The following NSMCE3 variants were observed in gnomAD, a reference collection of about 807,000 sequenced individuals.
NSMCE3 encodes NSE3 component of SMC5/6 complex, also known as non-structural maintenance of chromosomes element 3 homolog.
For missense variants in NSMCE3, 452 were observed against 399.5 expected (o/e 1.13, Z -1.12); for synonymous variants, 214 against 172.2 (o/e 1.24, Z -1.90).
Position 29,269,497 on chromosome 15 carries a change from C to G in NSMCE3, c.209G>C (p.Arg70Pro). 1 of 1,606,898 alleles carries G rather than the reference C, an allele frequency of 6.2e-7. No homozygotes were observed. The highest frequency in any genetic ancestry group is 8.5e-7 in the Non-Finnish European group (1 of 1,177,474). Residue 70 changes from arginine (R) to proline (P), a missense_variant, in exon 1 of 1, where the codon CGG becomes CCG. By Grantham distance (103) the Arg-to-Pro change is moderately radical. Coordinates refer to ENST00000332303, the MANE Select transcript of NSMCE3 (RefSeq NM_138704.4). The stretch of plus-strand genomic sequence containing the variant: ...CCCCACGGCGGGGGCGGCCTGGGCC[C>G]GGCGGGCGCCCTGAGGCGAGGGGCC... ...SQGPSPQGAR[R>P]AQAAPAVGPR...
Position 29,266,919 on chromosome 15 carries a change from T to C in NSMCE3, c.*1872A>G, listed in dbSNP as rs2043491912. 6.6e-6 allele frequency: 1 copy of C among 152,122 alleles called. No homozygotes were observed. Among genetic ancestry groups the C allele is most frequent in the African/African-American group, 2.4e-5 (1 of 41,418 alleles). The allele number at this position is 152,122 out of a possible 1,614,324, so 9.4% of individuals were successfully genotyped here. On this transcript the variant is annotated 3_prime_UTR_variant, in exon 1 of 1. Transcript: ENST00000332303. ...GGAATTTTGCCTCAGATATAACTGG[T>C]GGTGACTGCTGGGTAATAATTTTTA...
Position 29,267,698 on chromosome 15 carries a change from T to A in NSMCE3, c.*1093A>T, listed in dbSNP as rs1478963142. The A allele has an allele frequency of 1.3e-5, 2 of 152,072 alleles. No individual in the cohort carries two copies. Among genetic ancestry groups the A allele is most frequent in the Non-Finnish European group, 2.9e-5 (2 of 68,008 alleles). 9.4% of individuals were successfully genotyped at this position (152,072 alleles called of 1,614,324 possible). On this transcript the variant is annotated 3_prime_UTR_variant, in exon 1 of 1. Coordinates refer to ENST00000332303, the MANE Select transcript of NSMCE3 (RefSeq NM_138704.4). ...TCTTTTGAACCAGGAATTGCTCTCC[T>A]AGGAATGATTTGGAAAAAAAGATAA... is the stretch of plus-strand genomic sequence containing the variant.
Position 29,265,396 on chromosome 15 carries a change from T to C in NSMCE3, c.*3395A>G, listed in dbSNP as rs1261560327. On this transcript the variant is annotated 3_prime_UTR_variant, in exon 1 of 1. Transcript: ENST00000332303. Reference sequence around the variant, plus strand: ...GCTCATGCCTGTAATCCTAGCACTTTAGGAGGCCGAGGCGGGCAGATTACC... The same window carrying C: ...GCTCATGCCTGTAATCCTAGCACTTCAGGAGGCCGAGGCGGGCAGATTACC... 6.6e-6 allele frequency: 1 copy of C among 152,238 alleles called. No homozygotes were observed. Among genetic ancestry groups the C allele is most frequent in the African/African-American group, 2.4e-5 (1 of 41,462 alleles). The allele number at this position is 152,238 out of a possible 1,614,324, so 9.4% of individuals were successfully genotyped here. A position where few individuals can be genotyped will look rare whatever the true frequency, so the allele number is the denominator to read the frequency against.
chr15:29,269,695 T>G lies in NSMCE3; in HGVS notation c.11A>C (p.Lys4Thr). MLQ[K>T]PRNRGRSGGQ... ...GCCAGAGCGGCCCCGGTTCCTCGGT[T>G]TTTGCAACATGTCTCCGGCGGCAGG... The change falls in exon 1 of 1, where the codon AAA becomes ACA. Residue 4 changes from lysine to threonine, a missense_variant. Lys to Thr is a moderately conservative substitution (Grantham distance 78). Coordinates refer to ENST00000332303, the MANE Select transcript of NSMCE3 (RefSeq NM_138704.4). 1 of 1,545,138 alleles carries G rather than the reference T, an allele frequency of 6.5e-7. No individual in the cohort carries two copies. The highest frequency in any genetic ancestry group is 8.7e-7 in the Non-Finnish European group (1 of 1,153,694).
rs190748425 is a variant in NSMCE3, at chr15:29,265,673, C to T, written c.*3118G>A. 6.6e-6 allele frequency: 1 copy of T among 152,276 alleles called. No homozygotes were observed. Among genetic ancestry groups the T allele is most frequent in the Non-Finnish European group, 1.5e-5 (1 of 68,034 alleles). The allele number at this position is 152,276 out of a possible 1,614,324, so 9.4% of individuals were successfully genotyped here. A position where few individuals can be genotyped will look rare whatever the true frequency, so the allele number is the denominator to read the frequency against. Reference sequence around the variant, plus strand: ...AAAAAGAATTACAGTATGGTATTTGCAAATGGATAGCAAATAAACCAATTC... The same window carrying T: ...AAAAAGAATTACAGTATGGTATTTGTAAATGGATAGCAAATAAACCAATTC... On this transcript the variant is annotated 3_prime_UTR_variant, in exon 1 of 1. Coordinates refer to ENST00000332303, the MANE Select transcript of NSMCE3 (RefSeq NM_138704.4).
rs1271410903 is a variant in NSMCE3 at position 29,266,015 on chromosome 15, A to G, written c.*2776T>C. ...AATGATCGTAACACATTTAGGTCAA[A>G]TGATCTGTATGACCAAAAGAAGTGA... On this transcript the variant is annotated 3_prime_UTR_variant, in exon 1 of 1. Transcript: ENST00000332303. The G allele has an allele frequency of 4.6e-5, 7 of 152,238 alleles. No individual in the cohort carries two copies. Among genetic ancestry groups the G allele is most frequent in the Admixed American group, 4.6e-4 (7 of 15,284 alleles). 9.4% of individuals were successfully genotyped at this position (152,238 alleles called of 1,614,324 possible).
In NSMCE3 at chr15:29,269,801, G is replaced by T. The variant is rs2043577720; in HGVS notation, c.-96C>A. ...CCCGCTAACGCCGGTGCCTGGAGGC[G>T]CGCGCAGTGTCGGCTGAGACTGCGT... On this transcript the variant is annotated 5_prime_UTR_variant, in exon 1 of 1. Transcript: ENST00000332303. 8.3e-7 allele frequency: 1 copy of T among 1,199,130 alleles called. No individual in the cohort carries two copies. The highest frequency in any genetic ancestry group is 1.1e-6 in the Non-Finnish European group (1 of 908,534). 74.3% of individuals were successfully genotyped at this position (1,199,130 alleles called of 1,614,324 possible).
In NSMCE3 at chr15:29,268,780, G is replaced by T. The variant is rs749804201; in HGVS notation, c.*11C>A. On this transcript the variant is annotated 3_prime_UTR_variant, in exon 1 of 1. Coordinates refer to ENST00000332303, the MANE Select transcript of NSMCE3 (RefSeq NM_138704.4). ...AGACCCTTGTCCCGGGGGTCCCTCT[G>T]AATCCACCTTTCAAGAGGATGGAGC... 5 of 1,591,926 alleles carry T rather than the reference G, an allele frequency of 3.1e-6. No homozygotes were observed. The highest frequency in any genetic ancestry group is 4.3e-6 in the Non-Finnish European group (5 of 1,168,098).
Position 29,267,471 on chromosome 15 carries a change from A to ACCCC in NSMCE3, c.*1316_*1319dup, listed in dbSNP as rs1164174161. The stretch of plus-strand genomic sequence containing the variant: ...TTGAGATTCAGAGAGCTTAAAACCT[A>ACCCC]CCCCCACAACCACCATGCTGACAAG... On this transcript the variant is annotated 3_prime_UTR_variant, in exon 1 of 1. Coordinates refer to ENST00000332303, the MANE Select transcript of NSMCE3 (RefSeq NM_138704.4). The ACCCC allele has an allele frequency of 6.6e-6, 1 of 151,918 alleles. No individual in the cohort carries two copies. The highest frequency in any genetic ancestry group is 1.5e-5 in the Non-Finnish European group (1 of 67,994). The allele number at this position is 151,918 out of a possible 1,614,324, so 9.4% of individuals were successfully genotyped here.
At position 29,268,516 on chromosome 15, in the gene NSMCE3, A is replaced by G; in HGVS notation, c.*275T>C. ...TCTTGCATTATCTGTTCCAGATCATAGTCAAGTTTTCCAATTCGTTTTACT... is the reference window on the plus strand; with the variant it reads ...TCTTGCATTATCTGTTCCAGATCATGGTCAAGTTTTCCAATTCGTTTTACT... On this transcript the variant is annotated 3_prime_UTR_variant, in exon 1 of 1. Coordinates refer to ENST00000332303, the MANE Select transcript of NSMCE3 (RefSeq NM_138704.4). 4.9e-6 allele frequency: 2 copies of G among 410,322 alleles called. No homozygotes were observed. Among genetic ancestry groups the G allele is most frequent in the Non-Finnish European group, 8.6e-6 (2 of 232,640 alleles). 25.4% of individuals were successfully genotyped at this position (410,322 alleles called of 1,614,324 possible).
Position 29,269,558 on chromosome 15 carries a change from T to G in NSMCE3, c.148A>C (p.Thr50Pro). Residue 50 changes from threonine (T) to proline (P), a missense_variant, in exon 1 of 1, where the codon ACG becomes CCG. By Grantham distance (38) the Thr-to-Pro change is conservative. Coordinates refer to ENST00000332303, the MANE Select transcript of NSMCE3 (RefSeq NM_138704.4). The part of the protein sequence containing the change: ...RDGFAEEAPS[T>P]SRGPGGSQGS... ...TGCGAGCCGCCCGGCCCGCGGGACGTGCTCGGGGCCTCCTCGGCAAAGCCG... is the reference window on the plus strand; with the variant it reads ...TGCGAGCCGCCCGGCCCGCGGGACGGGCTCGGGGCCTCCTCGGCAAAGCCG... 2.6e-6 allele frequency: 4 copies of G among 1,519,936 alleles called. No homozygotes were observed. The highest frequency in any genetic ancestry group is 3.5e-6 in the Non-Finnish European group (4 of 1,137,798). The allele number at this position is 1,519,936 out of a possible 1,614,324, so 94.2% of individuals were successfully genotyped here. A position where few individuals can be genotyped will look rare whatever the true frequency, so the allele number is the denominator to read the frequency against.
rs762514437 is a variant in NSMCE3 at position 29,269,444 on chromosome 15, T to C, written c.262A>G (p.Lys88Glu). 1.2e-6 allele frequency: 2 copies of C among 1,613,968 alleles called. No homozygotes were observed. The highest frequency in any genetic ancestry group is 1.3e-5 in the African/African-American group (1 of 75,042). The change falls in exon 1 of 1, where the codon AAA (lysine) becomes GAA (glutamate). Residue 88 changes from lysine (K) to glutamate (E), a missense_variant. By Grantham distance (56) the Lys-to-Glu change is moderately conservative (BLOSUM62 1). Transcript: ENST00000332303. ...GPRSQKQLEL[K>E]VSELVQFLLI... is the part of the protein sequence containing the mutation. The stretch of plus-strand genomic sequence containing the variant: ...AAGAACTGCACCAGCTCGGACACTT[T>C]CAGCTCCAGCTGCTTCTGGCTCCTG...
chr15:29,269,467 C>G lies in NSMCE3; in HGVS notation c.239G>C (p.Arg80Thr), dbSNP rs1408822775. 2 of 1,612,888 alleles carry G rather than the reference C, an allele frequency of 1.2e-6. No homozygotes were observed. Among genetic ancestry groups the G allele is most frequent in the Non-Finnish European group, 1.7e-6 (2 of 1,179,688 alleles). ...RAQAAPAVGP[R>T]SQKQLELKVS... ...TTTCAGCTCCAGCTGCTTCTGGCTC[C>G]TGGGCCCCACGGCGGGGGCGGCCTG... Residue 80 changes from arginine (R) to threonine (T), a missense_variant, in exon 1 of 1, where the codon AGG becomes ACG. Transcript: ENST00000332303.
rs1455689224 is a variant in NSMCE3, at chr15:29,269,151, G to A, written c.555C>T (p.Leu185=). 8.7e-6 allele frequency: 14 copies of A among 1,614,028 alleles called. No individual in the cohort carries two copies. Among genetic ancestry groups the A allele is most frequent in the Non-Finnish European group, 1.2e-5 (14 of 1,180,038 alleles). ...TTGLLMIVLG[L]IFMKGNTIKE... ...TGATGGTGTTGCCCTTCATAAAGAT[G>A]AGCCCTAAGACGATCATCAGGAGGC... The change falls in exon 1 of 1, where the codon CTC becomes CTT. Residue 185 remains leucine (L), a synonymous_variant. Coordinates refer to ENST00000332303, the MANE Select transcript of NSMCE3 (RefSeq NM_138704.4).
At position 29,268,770 on chromosome 15, in the gene NSMCE3, G is replaced by C. The variant is rs1463909701; in HGVS notation, c.*21C>G. ...TTTGGGTCTCAGACCCTTGTCCCGG[G>C]GGTCCCTCTGAATCCACCTTTCAAG... On this transcript the variant is annotated 3_prime_UTR_variant, in exon 1 of 1. Transcript: ENST00000332303. The C allele has an allele frequency of 2.5e-6, 4 of 1,577,860 alleles. No individual in the cohort carries two copies. Among genetic ancestry groups the C allele is most frequent in the Non-Finnish European group, 2.6e-6 (3 of 1,162,454 alleles).
In NSMCE3 at chr15:29,266,775, C is replaced by T. The variant is rs546291940; in HGVS notation, c.*2016G>A. 2.0e-5 allele frequency: 3 copies of T among 152,246 alleles called. No individual in the cohort carries two copies. The highest frequency in any genetic ancestry group is 7.2e-5 in the African/African-American group (3 of 41,520). 9.4% of individuals were successfully genotyped at this position (152,246 alleles called of 1,614,324 possible). On this transcript the variant is annotated 3_prime_UTR_variant, in exon 1 of 1. Coordinates refer to ENST00000332303, the MANE Select transcript of NSMCE3 (RefSeq NM_138704.4). ...CGATAGCCACAGACTTTTGTTACCT[C>T]TGGGGAGGGTGAGAAGGAAAAGATA... is the stretch of plus-strand genomic sequence containing the variant.
rs1020818400 is a variant in NSMCE3 at position 29,265,124 on chromosome 15, T to C, written c.*3667A>G. On this transcript the variant is annotated 3_prime_UTR_variant, in exon 1 of 1. Coordinates refer to ENST00000332303, the MANE Select transcript of NSMCE3 (RefSeq NM_138704.4). ...CTGAAGGGGTAACTAAATAGCCCAA[T>C]AAAAGGTATTTATAGGGGAAAAAAA... 2 of 152,068 alleles carry C rather than the reference T, an allele frequency of 1.3e-5. No homozygotes were observed. The highest frequency in any genetic ancestry group is 2.9e-5 in the Non-Finnish European group (2 of 68,006). The allele number at this position is 152,068 out of a possible 1,614,324, so 9.4% of individuals were successfully genotyped here.
Position 29,269,782 on chromosome 15 carries a change from A to G in NSMCE3, c.-77T>C. 5.2e-6 allele frequency: 7 copies of G among 1,337,708 alleles called. No homozygotes were observed. The highest frequency in any genetic ancestry group is 6.8e-6 in the Non-Finnish European group (7 of 1,029,916). The allele number at this position is 1,337,708 out of a possible 1,614,324, so 82.9% of individuals were successfully genotyped here. ...GGGGATTGCGGGTCGGCGACCCGCTAACGCCGGTGCCTGGAGGCGCGCGCA... is the reference window on the plus strand; with the variant it reads ...GGGGATTGCGGGTCGGCGACCCGCTGACGCCGGTGCCTGGAGGCGCGCGCA... On this transcript the variant is annotated 5_prime_UTR_variant, in exon 1 of 1. Coordinates refer to ENST00000332303, the MANE Select transcript of NSMCE3 (RefSeq NM_138704.4).
Position 29,269,658 on chromosome 15 carries a change from C to T in NSMCE3, c.48G>A (p.Glu16=), listed in dbSNP as rs774508361. ...RNRGRSGGQA[E]RDRDWSHSGN... ...CGCTATGGCTCCAGTCTCTGTCCCT[C>T]TCGGCCTGGCCGCCAGAGCGGCCCC... is the stretch of plus-strand genomic sequence containing the variant. The change falls in exon 1 of 1, where the codon GAG becomes GAA. Residue 16 remains glutamate (E), a synonymous_variant. Transcript: ENST00000332303. 6.4e-7 allele frequency: 1 copy of T among 1,566,646 alleles called. No individual in the cohort carries two copies. Among genetic ancestry groups the T allele is most frequent in the South Asian group, 1.2e-5 (1 of 86,006 alleles).
Sources: gnomAD v4.1 joint callset for allele counts on GRCh38, gnomAD v4.1.1 for gene constraint, MANE v1.5 for transcripts, NCBI Gene and HGNC (gene_info 2026-07-23, HGNC 2026-07-21) for gene names.